BAD: variants seen among roughly 807,000 people sequenced by gnomAD.
BAD encodes bcl2-associated agonist of cell death.
BAD carries 18 observed loss-of-function variants against 17.8 expected under a neutral mutation model. That is an observed-to-expected ratio of 1.01 (90% confidence interval 0.70 to 1.50). The LOEUF (loss-of-function observed/expected upper bound fraction) is 1.50, where lower values mean the gene tolerates loss of function less well. Ranked by LOEUF, BAD falls within the 40% of genes most tolerant of loss-of-function variation. The probability of loss-of-function intolerance (pLI) is 0.00; values close to 1 mark genes in which losing one functional copy is unlikely to be tolerated. For missense variants in BAD, 294 were observed against 239.3 expected (o/e 1.23, Z -1.51); for synonymous variants, 112 against 91.5 (o/e 1.22, Z -1.28).
Position 64,270,089 on chromosome 11 carries a change from C to A in BAD, c.*120G>T. ...AAGGGAATCTGGGTCAGCCCTCCCT[C>A]CAAAGGAGACAGCACGGATCCTCTT... On this transcript the variant is annotated 3_prime_UTR_variant, in exon 4 of 4. Coordinates refer to ENST00000309032, the MANE Select transcript of BAD (RefSeq NM_032989.3). 1 of 1,512,582 alleles carries A rather than the reference C, an allele frequency of 6.6e-7. No individual in the cohort carries two copies. Among genetic ancestry groups the A allele is most frequent in the South Asian group, 1.2e-5 (1 of 84,728 alleles). 93.7% of individuals were successfully genotyped at this position (1,512,582 alleles called of 1,614,324 possible).
intron 2 of BAD, among the ~76,000 whole-genome samples, chr11:64,277,442 G>A (rs1207000597): frequency 6.6e-6 from 1 of 151,532 alleles, no homozygotes; most frequent in African/African-American, 2.4e-5. Context: ...TTTCCTTTTT[G>A]TTTTTAAAAA....
Position 64,270,073 on chromosome 11 carries a change from TG to T in BAD, c.*135del. 2 of 1,442,504 alleles carry T rather than the reference TG, an allele frequency of 1.4e-6. No homozygotes were observed. The highest frequency in any genetic ancestry group is 1.4e-5 in the African/African-American group (1 of 70,802). 89.4% of individuals were successfully genotyped at this position (1,442,504 alleles called of 1,614,324 possible). On this transcript the variant is annotated 3_prime_UTR_variant, in exon 4 of 4. Transcript: ENST00000309032. ...GCTTCACACGCACCGGAAGGGAATC[TG>T]GGTCAGCCCTCCCTCCAAAGGAGAC...
intron 2 of BAD, among the ~76,000 whole-genome samples, chr11:64,277,245 C>T (rs1438213076): frequency 1.3e-5 from 2 of 152,190 alleles, no homozygotes; most frequent in Non-Finnish European, 2.9e-5. Context: ...ACGTCAGTGG[C>T]CAGCACAGTG....
rs2032410805 is a variant in BAD, at chr11:64,270,291, C to T, written c.425G>A (p.Arg142Gln). ...GACTCGCGTCCAGCTGGAGCTTTGC[C>T]GCATCTGCGTTGCTGTGCCCGCGCT... ...PKSAGTATQM[R>Q]QSSSWTRVFQ... Residue 142 changes from arginine to glutamine, a missense_variant, in exon 4 of 4, where the codon CGG (arginine) becomes CAG (glutamine). Arg to Gln is a conservative substitution (Grantham distance 43). Coordinates refer to ENST00000309032, the MANE Select transcript of BAD (RefSeq NM_032989.3). The T allele has an allele frequency of 6.3e-7, 1 of 1,585,258 alleles. No homozygotes were observed. Among genetic ancestry groups the T allele is most frequent in the Admixed American group, 1.7e-5 (1 of 57,732 alleles).
intron 2 of BAD, among the ~76,000 whole-genome samples, chr11:64,274,262 C>T (rs1166047167): frequency 6.6e-6 from 1 of 152,094 alleles, no homozygotes; most frequent in East Asian, 1.9e-4. Context: ...GTGGCTGGCG[C>T]CTTAGTTCCA....
At chr11:64,280,133 T>C (rs184271158) in intron 2 of BAD, among the ~76,000 whole-genome samples, 2,288 of 151,370 alleles carry the variant, frequency 0.015, 11 homozygotes, top group African/African-American at 0.029. Context: ...CTGGCTAACA[T>C]GGTGAAACCC....
chr11:64,284,567 T>G, intron 1 of BAD, 64 bp downstream of exon 1: 1 of 1,493,254 alleles, frequency 6.7e-7, no homozygotes, highest in Non-Finnish European at 8.9e-7. Flanking sequence ...GACCTCAGTC[T>G]CCCCTCAGAA....
intron 2 of BAD, among the ~76,000 whole-genome samples, chr11:64,274,829 A>G (rs2032931672): frequency 6.6e-6 from 1 of 151,752 alleles, no homozygotes; most frequent in African/African-American, 2.4e-5. Flanking sequence ...TCAAAAAAAA[A>G]AAGAAACTAG....
intron 2 of BAD, among the ~76,000 whole-genome samples, chr11:64,282,737 G>A (rs746405581): frequency 2.2e-4 from 33 of 151,884 alleles, no homozygotes; most frequent in Admixed American, 8.5e-4. Context: ...AAATTAGCCC[G>A]GCATGGTGAC....
intron 2 of BAD, 47 bp from the exon 3 acceptor site, chr11:64,271,850 C>T: frequency 1.5e-6 from 2 of 1,327,170 alleles, no homozygotes; most frequent in African/African-American, 3.0e-5. Flanking sequence ...CTCAGCTCCT[C>T]TAAGCCCCTG....
intron 2 of BAD, among the ~76,000 whole-genome samples, chr11:64,282,855 G>A (rs1045759774): frequency 7.3e-5 from 11 of 150,742 alleles, no homozygotes; most frequent in Admixed American, 4.6e-4. Flanking sequence ...CCCCAGCCTG[G>A]GCAGCAGAGT....
At position 64,280,747 on chromosome 11, in the gene BAD, G is replaced by A. The variant is rs868058439; in HGVS notation, c.187+3435C>T. 1.8e-3 allele frequency among the ~76,000 whole-genome samples: 269 copies of A among 146,420 alleles called. 1 individual carries two copies. The highest frequency in any genetic ancestry group is 6.5e-3 in the African/African-American group (256 of 39,496). On this transcript the variant is annotated intron_variant, in intron 2 of 3. Transcript: ENST00000309032. Reference sequence around the variant, plus strand: ...CAGTGGCAGGATTTCAGCTCACTGCGACCTCCACCTCCTGGGTTCAAGTGA... The same window carrying A: ...CAGTGGCAGGATTTCAGCTCACTGCAACCTCCACCTCCTGGGTTCAAGTGA...
At chr11:64,275,987 AG>A (rs536527377) in intron 2 of BAD, among the ~76,000 whole-genome samples, 1 of 152,260 alleles carries the variant, frequency 6.6e-6, no homozygotes, top group South Asian at 2.1e-4. Context: ...TCACTGATCT[AG>A]TAGGTAGCAG....
intron 2 of BAD, among the ~76,000 whole-genome samples, chr11:64,273,144 G>A (rs1247472847): frequency 1.3e-5 from 2 of 152,170 alleles, no homozygotes; most frequent in African/African-American, 2.4e-5. Context: ...CAAGGCAGGT[G>A]GATCACCTGA....
In BAD at chr11:64,270,204, G is replaced by T. The variant is rs773702754; in HGVS notation, c.*5C>A. ...CGGGTGGAGTTTCGGGATGTGGAGC[G>T]AAGGTCACTGGGAGGGGGCGGAGCT... On this transcript the variant is annotated 3_prime_UTR_variant, in exon 4 of 4. Coordinates refer to ENST00000309032, the MANE Select transcript of BAD (RefSeq NM_032989.3). The T allele has an allele frequency of 1.9e-6, 3 of 1,613,920 alleles. No homozygotes were observed. Among genetic ancestry groups the T allele is most frequent in the Admixed American group, 1.7e-5 (1 of 59,982 alleles).
rs776454584 is a variant in BAD at position 64,270,119 on chromosome 11, C to G, written c.*90G>C. The G allele has an allele frequency of 6.3e-7, 1 of 1,589,224 alleles. No individual in the cohort carries two copies. Among genetic ancestry groups the G allele is most frequent in the Non-Finnish European group, 8.6e-7 (1 of 1,163,762 alleles). ...GGAGACAGCACGGATCCTCTTTTTG[C>G]ATAGGCCTGAGGGAAGTACTTCCGC... On this transcript the variant is annotated 3_prime_UTR_variant, in exon 4 of 4. Coordinates refer to ENST00000309032, the MANE Select transcript of BAD (RefSeq NM_032989.3).
chr11:64,278,533 C>A (rs920407822), intron 2 of BAD, among the ~76,000 whole-genome samples: 2 of 152,114 alleles, frequency 1.3e-5, no homozygotes, highest in Non-Finnish European at 2.9e-5. Flanking sequence ...CACAGCCCTG[C>A]GAGGTGGGAC....
At chr11:64,282,482 C>T (rs935462680) in intron 2 of BAD, among the ~76,000 whole-genome samples, 7 of 152,154 alleles carry the variant, frequency 4.6e-5, no homozygotes, top group African/African-American at 1.7e-4. Flanking sequence ...CACCTGTGGT[C>T]CCAGCTGTTC....
intron 2 of BAD, among the ~76,000 whole-genome samples, chr11:64,274,534 A>T: frequency 6.6e-6 from 1 of 152,008 alleles, no homozygotes; most frequent in Non-Finnish European, 1.5e-5. Flanking sequence ...CTAAAAATAC[A>T]AAAAAAGGCC....
Sources: allele counts gnomAD v4.1 joint callset (sites outside exome capture counted in the v4.1 genomes callset), GRCh38; gene constraint gnomAD v4.1.1; transcripts MANE v1.5; gene names NCBI Gene and HGNC (gene_info 2026-07-23, HGNC 2026-07-21).